The following OTUD7A variants were observed in gnomAD, a reference collection of about 807,000 sequenced individuals.
OTUD7A encodes the protein OTU domain-containing protein 7A.
A neutral mutation model predicts 65.7 loss-of-function variants in OTUD7A; 12 were observed. The ratio of observed to expected loss-of-function variants is 0.18; its 90% CI spans 0.12 to 0.30. The LOEUF is 0.30. OTUD7A is among the 10% of genes least tolerant of loss of function. The pLI is 1.00. For missense variants in OTUD7A, 1,148 were observed against 1,304.8 expected, an observed-to-expected ratio of 0.88 and a Z score of 1.85; for synonymous variants, 641 against 586.3, an observed-to-expected ratio of 1.09 and a Z score of -1.35.
Position 31,526,359 on chromosome 15 carries a change from T to C in OTUD7A, c.883A>G (p.Thr295Ala). The change falls in exon 8 of 13, where the codon ACG becomes GCG. Residue 295 changes from threonine to alanine, a missense_variant. Transcript: ENST00000307050. Reference protein sequence around the residue: ...PRTHFSKNGGTGGGVDNSEDP... With the variant: ...PRTHFSKNGGAGGGVDNSEDP... Reference sequence around the variant, plus strand: ...AGGGGCAGCACTTACCCCCCGCCCGTGCCGCCATTCTTGCTGAAGTGTGTG... The same window carrying C: ...AGGGGCAGCACTTACCCCCCGCCCGCGCCGCCATTCTTGCTGAAGTGTGTG... 6.3e-7 allele frequency: 1 copy of C among 1,596,402 alleles called. No individual in the cohort carries two copies. Among genetic ancestry groups the C allele is most frequent in the Middle Eastern group, 1.7e-4 (1 of 5,992 alleles).
intron 1 of OTUD7A, among the ~76,000 whole-genome samples, chr15:31,866,197 T>C (rs1484243555): frequency 6.6e-6 from 1 of 152,222 alleles, no homozygotes; most frequent in African/African-American, 2.4e-5. Context: ...CATGCAATTT[T>C]ACCAAACAAG....
chr15:31,757,710 C>T (rs1894854821), intron 1 of OTUD7A, among the ~76,000 whole-genome samples: 1 of 152,166 alleles, frequency 6.6e-6, no homozygotes, highest in South Asian at 2.1e-4. Context: ...AATTACATTT[C>T]AAAGTGTAAT....
intron 7 of OTUD7A, 94 bp downstream of exon 7, chr15:31,527,083 ACTGT>A (rs1344045757): frequency 3.3e-6 from 5 of 1,531,844 alleles, no homozygotes; most frequent in Non-Finnish European, 4.4e-6. Flanking sequence ...CCCTCATAAG[ACTGT>A]CTGGGGCCTG....
chr15:31,797,775 C>G (rs1896010057), intron 1 of OTUD7A, among the ~76,000 whole-genome samples: 2 of 152,252 alleles, frequency 1.3e-5, no homozygotes. Flanking sequence ...CGAGTGGTCC[C>G]TGTGTGTGCT....
At chr15:31,758,477 C>T (rs747602067) in intron 1 of OTUD7A, among the ~76,000 whole-genome samples, 18 of 152,202 alleles carry the variant, frequency 1.2e-4, no homozygotes, top group Non-Finnish European at 2.4e-4. Flanking sequence ...CCTTCCCCGA[C>T]GCTCTTCTAA....
chr15:31,752,245 A>C (rs1312125966), intron 1 of OTUD7A, among the ~76,000 whole-genome samples: 2 of 152,228 alleles, frequency 1.3e-5, no homozygotes, highest in African/African-American at 4.8e-5. Context: ...CTAAAGTATG[A>C]TGTGTATGGA....
chr15:31,557,330 G>A (rs570503157), intron 5 of OTUD7A: 6 of 152,354 alleles, frequency 3.9e-5, no homozygotes, highest in South Asian at 2.1e-4. Context: ...AAAACTTCCC[G>A]GCACATTGAC....
chr15:31,646,681 G>T (rs1410466791), intron 3 of OTUD7A, among the ~76,000 whole-genome samples: 1 of 152,014 alleles, frequency 6.6e-6, no homozygotes, highest in Non-Finnish European at 1.5e-5. Flanking sequence ...GGCTGGCCTC[G>T]AACTCCTGAC....
chr15:31,490,951 G>T (rs1191931143), intron 10 of OTUD7A, among the ~76,000 whole-genome samples: 1 of 152,170 alleles, frequency 6.6e-6, no homozygotes. Context: ...GGGGATGGGG[G>T]TGACCTTCCT....
rs1595755110 is a variant in OTUD7A, at chr15:31,766,687, T to A, written c.-100+103820A>T. On this transcript the variant is annotated intron_variant, in intron 1 of 12. Transcript: ENST00000307050. ...AAGCTGTTCTGACTTGCATTTCCCATTACACAACTCCTCTTGGTCTTGAAC... is the reference window on the plus strand; with the variant it reads ...AAGCTGTTCTGACTTGCATTTCCCAATACACAACTCCTCTTGGTCTTGAAC... The A allele has an allele frequency of 2.5e-6, 4 of 1,606,008 alleles. No individual in the cohort carries two copies. In the East Asian group the frequency reaches 8.9e-5, roughly 36 times the overall value.
intron 5 of OTUD7A, among the ~76,000 whole-genome samples, chr15:31,547,215 A>G (rs1000177900): frequency 3.7e-5 from 5 of 133,846 alleles, no homozygotes; most frequent in Admixed American, 3.1e-4. Flanking sequence ...TTTTCACCTC[A>G]TTTTATTTTT....
chr15:31,506,106 T>A (rs571148984), intron 8 of OTUD7A, among the ~76,000 whole-genome samples: 274 of 152,252 alleles, frequency 1.8e-3, no homozygotes, highest in Non-Finnish European at 1.2e-3. Flanking sequence ...TATTTTAGAA[T>A]TTTTGGCAAG....
chr15:31,840,294 TG>T (rs150936385), intron 1 of OTUD7A, among the ~76,000 whole-genome samples: 2,091 of 151,968 alleles, frequency 0.014, 42 homozygotes, highest in African/African-American at 0.048. Context: ...ATAAATTAGC[TG>T]GGTATGGTGG....
chr15:31,770,547 G>A (rs1895207090), intron 1 of OTUD7A, among the ~76,000 whole-genome samples: 1 of 152,126 alleles, frequency 6.6e-6, no homozygotes, highest in Non-Finnish European at 1.5e-5. Context: ...CTGGAGGAGG[G>A]AACACTGCTC....
At chr15:31,733,255 G>A (rs1207771117) in intron 1 of OTUD7A, among the ~76,000 whole-genome samples, 1 of 152,204 alleles carries the variant, frequency 6.6e-6, no homozygotes, top group East Asian at 1.9e-4. Flanking sequence ...CTAACCAGAT[G>A]ACACTGACAT....
intron 3 of OTUD7A, among the ~76,000 whole-genome samples, chr15:31,638,545 G>A (rs1595676552): frequency 6.8e-6 from 1 of 148,026 alleles, no homozygotes; most frequent in East Asian, 2.0e-4. Context: ...AAACCAGGCT[G>A]ATTTTTGTAG....
rs533757319 is a variant in OTUD7A, at chr15:31,833,117, A to T, written c.-100+37390T>A. Among the ~76,000 whole-genome samples the T allele has an allele frequency of 3.3e-5, 5 of 152,312 alleles. No individual in the cohort carries two copies. The East Asian group carries it at 7.7e-4, about 24-fold the overall frequency. ...TGGCCATCCTAATGGGTGTGCAGTG[A>T]TGTTCTTGATCCTTTTTAAAAGAGG... is the stretch of plus-strand genomic sequence containing the variant. On this transcript the variant is annotated intron_variant, in intron 1 of 12. Coordinates refer to ENST00000307050, the MANE Select transcript of OTUD7A (RefSeq NM_001382637.1).
At chr15:31,695,577 C>T (rs2141322279) in intron 1 of OTUD7A, among the ~76,000 whole-genome samples, 1 of 148,918 alleles carries the variant, frequency 6.7e-6, no homozygotes, top group South Asian at 2.2e-4. Context: ...TTAATGAGCA[C>T]TTACTATGCT....
At chr15:31,588,044 G>A (rs112874998) in intron 3 of OTUD7A, among the ~76,000 whole-genome samples, 8 of 152,012 alleles carry the variant, frequency 5.3e-5, no homozygotes, top group East Asian at 1.9e-4. Flanking sequence ...AGAAATGCCC[G>A]TACATCTGCC....
Sources: allele counts gnomAD v4.1 joint callset (sites outside exome capture counted in the v4.1 genomes callset), GRCh38; gene constraint gnomAD v4.1.1; transcripts MANE v1.5; gene names NCBI Gene and HGNC (gene_info 2026-07-23, HGNC 2026-07-21).